PEX5L: variants seen among roughly 807,000 people sequenced by gnomAD.
The protein encoded by PEX5L is PEX5-related protein.
PEX5L carries 30 observed loss-of-function variants against 84.0 expected under a neutral mutation model. The observed-to-expected ratio is 0.36, with a 90% CI of 0.27 to 0.48. The LOEUF (loss-of-function observed/expected upper bound fraction) is 0.48. PEX5L is among the 20% of genes least tolerant of loss of function. The pLI, the probability that PEX5L is intolerant of heterozygous loss-of-function variation, is 0.99. For synonymous variants in PEX5L, 270 were observed against 283.1 expected, an observed-to-expected ratio of 0.95 and a Z score of 0.46; for missense variants, 533 against 754.6, an observed-to-expected ratio of 0.71 and a Z score of 3.44.
chr3:179,838,517 T>G (rs1250243107), intron 8 of PEX5L, among the ~76,000 whole-genome samples: 1 of 152,226 alleles, frequency 6.6e-6, no homozygotes, highest in African/African-American at 2.4e-5. Flanking sequence ...GACTAGGAAT[T>G]AAAATGTTTA....
chr3:179,924,839 A>G (rs1770942130), intron 2 of PEX5L, among the ~76,000 whole-genome samples: 1 of 151,274 alleles, frequency 6.6e-6, no homozygotes, highest in South Asian at 2.1e-4. Flanking sequence ...AGTATGTTGC[A>G]CATAAGAGAA....
chr3:179,951,364 AG>A (rs200625977), intron 2 of PEX5L, among the ~76,000 whole-genome samples: 7,347 of 152,268 alleles, frequency 0.048, 227 homozygotes, highest in Non-Finnish European at 0.071. Flanking sequence ...TCTATTTCCT[AG>A]GGGAACCCAT....
rs1717581353 is a variant in PEX5L at position 179,797,646 on chromosome 3, A to AAAAC, written c.*4178_*4181dup. On this transcript the variant is annotated 3_prime_UTR_variant, in exon 15 of 15. Transcript: ENST00000467460. The stretch of plus-strand genomic sequence containing the variant: ...TATATATATATCTACTTCTTAGTTC[A>AAAAC]AAACAGTTTAATTTCAACCAGTTCT... 1 of 148,074 alleles carries AAAAC rather than the reference A, an allele frequency of 6.8e-6. No individual in the cohort carries two copies. The highest frequency in any genetic ancestry group is 2.5e-5 in the African/African-American group (1 of 40,662). The allele number at this position is 148,074 out of a possible 1,614,324, so 9.2% of individuals were successfully genotyped here. A position where few individuals can be genotyped will look rare whatever the true frequency, so the allele number is the denominator to read the frequency against.
chr3:179,899,034 G>GTA (rs1214083495), intron 2 of PEX5L, among the ~76,000 whole-genome samples: 1 of 151,802 alleles, frequency 6.6e-6, no homozygotes, highest in Admixed American at 6.6e-5. Flanking sequence ...AAATGTATAT[G>GTA]TATATATATA....
At chr3:179,820,263 G>A (rs1727958648) in intron 8 of PEX5L, among the ~76,000 whole-genome samples, 1 of 152,184 alleles carries the variant, frequency 6.6e-6, no homozygotes, top group Admixed American at 6.5e-5. Flanking sequence ...ACAGTTTCAT[G>A]TGTGGGCACT....
intron 8 of PEX5L, among the ~76,000 whole-genome samples, chr3:179,841,972 T>C (rs531754930): frequency 6.6e-6 from 1 of 152,360 alleles, no homozygotes; most frequent in South Asian, 2.1e-4. Flanking sequence ...ATGTCATAAA[T>C]GTTCCTTGGC....
At position 179,809,507 on chromosome 3, in the gene PEX5L, C is replaced by T. The variant is rs373824178; in HGVS notation, c.1316G>A (p.Gly439Asp). The change falls in exon 12 of 15, where the codon GGC becomes GAC. Residue 439 changes from glycine to aspartate, a missense_variant. By Grantham distance (94) the Gly-to-Asp change is moderately conservative (BLOSUM62 -1). Coordinates refer to ENST00000467460, the MANE Select transcript of PEX5L (RefSeq NM_016559.3). Reference sequence around the variant, plus strand: ...GGACTTAGACATCCGCCGGGTGAGGCCTGGAGATCCCTTCTTGCTTTTCAC... The same window carrying T: ...GGACTTAGACATCCGCCGGGTGAGGTCTGGAGATCCCTTCTTGCTTTTCAC... The part of the protein sequence containing the change: ...YLVKSKKGSP[G>D]LTRRMSKSPV... 1.9e-5 allele frequency: 30 copies of T among 1,613,918 alleles called. 1 individual carries two copies. In the African/African-American group the frequency reaches 2.5e-4, roughly 14 times the overall value.
chr3:180,000,305 G>GA, intron 1 of PEX5L, among the ~76,000 whole-genome samples: 1 of 152,298 alleles, frequency 6.6e-6, no homozygotes, highest in East Asian at 1.9e-4. Context: ...CTATCAAGAT[G>GA]AAATCAGTCT....
chr3:179,856,976 T>C (rs1465199546), intron 8 of PEX5L, among the ~76,000 whole-genome samples: 1 of 152,248 alleles, frequency 6.6e-6, no homozygotes, highest in African/African-American at 2.4e-5. Context: ...ATGCTATTGT[T>C]AGACTGCTAA....
At chr3:180,017,503 C>T (rs1790046142) in intron 1 of PEX5L, among the ~76,000 whole-genome samples, 1 of 152,048 alleles carries the variant, frequency 6.6e-6, no homozygotes, top group South Asian at 2.1e-4. Context: ...GACTATCTTT[C>T]AATATTTAAT....
chr3:180,025,956 G>A (rs1790910762), intron 1 of PEX5L, among the ~76,000 whole-genome samples: 1 of 152,136 alleles, frequency 6.6e-6, no homozygotes, highest in East Asian at 1.9e-4. Flanking sequence ...AGGAAAGCGG[G>A]GGTTAGGGAG....
rs566405138 is a variant in PEX5L at position 179,998,279 on chromosome 3, T to C, written c.22-26614A>G. On this transcript the variant is annotated intron_variant, in intron 1 of 14. Transcript: ENST00000467460. ...TTTTGGAGGCAACACATTCCTCATT[T>C]GGGTGTGTTACTCAGGCCCATTGAT... Among the ~76,000 whole-genome samples, 149 of 152,330 alleles carry C rather than the reference T, an allele frequency of 9.8e-4. 1 individual carries two copies. Among genetic ancestry groups the C allele is most frequent in the Non-Finnish European group, 1.8e-3 (122 of 68,030 alleles).
At chr3:179,926,355 G>C (rs1771451258) in intron 2 of PEX5L, among the ~76,000 whole-genome samples, 1 of 152,114 alleles carries the variant, frequency 6.6e-6, no homozygotes, top group Non-Finnish European at 1.5e-5. Flanking sequence ...ATTCATCCTG[G>C]AGTCAGAACC....
At chr3:179,978,876 T>C (rs1786050488) in intron 1 of PEX5L, among the ~76,000 whole-genome samples, 1 of 152,208 alleles carries the variant, frequency 6.6e-6, no homozygotes, top group African/African-American at 2.4e-5. Context: ...ACAACTCAGC[T>C]TTCTGGGATT....
intron 8 of PEX5L, among the ~76,000 whole-genome samples, chr3:179,858,367 A>G (rs958004781): frequency 6.6e-6 from 1 of 152,156 alleles, no homozygotes; most frequent in Non-Finnish European, 1.5e-5. Flanking sequence ...TGCATTAAAA[A>G]AACAGCAAAA....
Position 179,900,880 on chromosome 3 carries a change from C to A in PEX5L, c.94-2634G>T. ...CTGAGGACAGAATGGGAAGGTCTGC[C>A]ACAATGACATCTCCATGGTACCAGA... On this transcript the variant is annotated intron_variant, in intron 2 of 14. Coordinates refer to ENST00000467460, the MANE Select transcript of PEX5L (RefSeq NM_016559.3). The A allele has an allele frequency of 6.6e-6, 4 of 607,810 alleles. No homozygotes were observed. In the South Asian group the frequency reaches 8.0e-5, roughly 12 times the overall value. The allele number at this position is 607,810 out of a possible 1,614,324, so 37.7% of individuals were successfully genotyped here.
In PEX5L at chr3:179,815,903, C is replaced by T; in HGVS notation, c.1041G>A (p.Leu347=). Residue 347 remains leucine, a synonymous_variant, in exon 10 of 15, where the codon CTG becomes CTA. Coordinates refer to ENST00000467460, the MANE Select transcript of PEX5L (RefSeq NM_016559.3). ...CCTGAAGAATTGCTGCTTCCATGAA[C>T]AGGATGGTGACTGGCAGATCCCCTT... ...LKEGDLPVTI[L]FMEAAILQDP... The T allele has an allele frequency of 3.1e-6, 5 of 1,614,166 alleles. No homozygotes were observed. Among genetic ancestry groups the T allele is most frequent in the Non-Finnish European group, 4.2e-6 (5 of 1,180,018 alleles).
intron 1 of PEX5L, among the ~76,000 whole-genome samples, chr3:180,006,235 C>T (rs1411117357): frequency 5.9e-5 from 9 of 152,278 alleles, no homozygotes; most frequent in African/African-American, 2.2e-4. Flanking sequence ...CTTCAGCAAC[C>T]TTATTTCCAT....
In PEX5L at chr3:179,797,406, T is replaced by C. The variant is rs1323967419; in HGVS notation, c.*4422A>G. The C allele has an allele frequency of 3.9e-5, 6 of 152,166 alleles. No homozygotes were observed. Among genetic ancestry groups the C allele is most frequent in the African/African-American group, 1.2e-4 (5 of 41,454 alleles). The allele number at this position is 152,166 out of a possible 1,614,324, so 9.4% of individuals were successfully genotyped here. A position where few individuals can be genotyped will look rare whatever the true frequency, so the allele number is the denominator to read the frequency against. ...GGAACAACAGGCTAACCTATGAGAC[T>C]TAATCATGCACTGTGTAAATTTAAA... On this transcript the variant is annotated 3_prime_UTR_variant, in exon 15 of 15. Coordinates refer to ENST00000467460, the MANE Select transcript of PEX5L (RefSeq NM_016559.3).
Sources: allele counts gnomAD v4.1 joint callset (sites outside exome capture counted in the v4.1 genomes callset), GRCh38; gene constraint gnomAD v4.1.1; transcripts MANE v1.5; gene names NCBI Gene and HGNC (gene_info 2026-07-23, HGNC 2026-07-21).